The following ITGA8 variants were observed in gnomAD, a reference collection of about 807,000 sequenced individuals.
ITGA8 encodes integrin subunit alpha 8.
In ITGA8, 91 loss-of-function variants were observed where a neutral mutation model predicts 142.3. The ratio of observed to expected loss-of-function variants is 0.64; its 90% CI spans 0.54 to 0.76. ITGA8 has a LOEUF of 0.76. Ranked by LOEUF, ITGA8 falls within the 30% of genes least tolerant of loss-of-function variation. The pLI, the probability that ITGA8 is intolerant of heterozygous loss-of-function variation, is 0.00. For synonymous variants in ITGA8, 505 were observed against 485.2 expected (o/e 1.04, Z -0.54); for missense variants, 1,406 against 1,327.7 (o/e 1.06, Z -0.92).
At chr10:15,631,780 T>C (rs1833689999) in intron 13 of ITGA8, among the ~76,000 whole-genome samples, 1 of 151,202 alleles carries the variant, frequency 6.6e-6, no homozygotes, top group Non-Finnish European at 1.5e-5. Flanking sequence ...ACATTGGACT[T>C]CTAGCCCCAC....
intron 27 of ITGA8, among the ~76,000 whole-genome samples, chr10:15,535,573 C>T (rs1833413961): frequency 1.3e-5 from 2 of 152,086 alleles, no homozygotes; most frequent in African/African-American, 4.8e-5. Context: ...CTGGTGGGGA[C>T]TTGGAGAACC....
At chr10:15,681,163 G>A (rs114452830) in intron 4 of ITGA8, among the ~76,000 whole-genome samples, 27 of 152,232 alleles carry the variant, frequency 1.8e-4, no homozygotes, top group African/African-American at 5.5e-4. Context: ...GCGGGTTTGC[G>A]GTATAAGATT....
At chr10:15,544,300 C>A (rs915067331) in intron 27 of ITGA8, among the ~76,000 whole-genome samples, 1 of 146,100 alleles carries the variant, frequency 6.8e-6, no homozygotes, top group Non-Finnish European at 1.5e-5. Flanking sequence ...CCTGTCTCTA[C>A]CAAAAAAAAA....
chr10:15,652,111 T>C (rs1474001124), intron 11 of ITGA8, among the ~76,000 whole-genome samples: 1 of 152,252 alleles, frequency 6.6e-6, no homozygotes, highest in Non-Finnish European at 1.5e-5. Context: ...ATAACAGTTC[T>C]GTGTTTGTTA....
intron 28 of ITGA8, among the ~76,000 whole-genome samples, chr10:15,523,713 C>G (rs1833110360): frequency 6.7e-6 from 1 of 149,222 alleles, no homozygotes; most frequent in African/African-American, 2.5e-5. Context: ...AGTTCGAGAC[C>G]AGCCTGGCCA....
chr10:15,668,111 C>T (rs1365668960), intron 8 of ITGA8, among the ~76,000 whole-genome samples: 1 of 152,130 alleles, frequency 6.6e-6, no homozygotes, highest in Non-Finnish European at 1.5e-5. Context: ...CTAATGTTGA[C>T]AGGGGGGTGT....
intron 25 of ITGA8, among the ~76,000 whole-genome samples, chr10:15,560,220 A>C (rs548010087): frequency 6.6e-6 from 1 of 152,310 alleles, no homozygotes; most frequent in East Asian, 1.9e-4. Context: ...TCAAGACTGC[A>C]GTGAGCTACG....
chr10:15,618,743 G>A (rs991408632), intron 13 of ITGA8, among the ~76,000 whole-genome samples: 2 of 152,140 alleles, frequency 1.3e-5, no homozygotes, highest in African/African-American at 4.8e-5. Context: ...TCCTGCCCTC[G>A]AACATCAGAC....
intron 6 of ITGA8, among the ~76,000 whole-genome samples, chr10:15,676,735 G>T (rs1834637736): frequency 6.6e-6 from 1 of 152,184 alleles, no homozygotes; most frequent in African/African-American, 2.4e-5. Flanking sequence ...TACAGGCTGG[G>T]CAGTGGCTTA....
At chr10:15,673,788 G>A (rs919776901) in intron 6 of ITGA8, among the ~76,000 whole-genome samples, 3 of 149,642 alleles carry the variant, frequency 2.0e-5, no homozygotes, top group African/African-American at 7.7e-5. Context: ...GAAATCCATG[G>A]GCACCAACAT....
chr10:15,524,048 A>C (rs1412680236), intron 28 of ITGA8, among the ~76,000 whole-genome samples: 1 of 152,226 alleles, frequency 6.6e-6, no homozygotes, highest in African/African-American at 2.4e-5. Flanking sequence ...GCGGGAAAGA[A>C]TACACAGAGT....
chr10:15,605,215 ACTGTG>A (rs1833172835), intron 19 of ITGA8, among the ~76,000 whole-genome samples: 1 of 152,194 alleles, frequency 6.6e-6, no homozygotes, highest in African/African-American at 2.4e-5. Context: ...ATTACTGGCA[ACTGTG>A]AAGCCCTTTG....
chr10:15,605,360 A>C (rs1833175471), intron 19 of ITGA8, among the ~76,000 whole-genome samples: 1 of 152,190 alleles, frequency 6.6e-6, no homozygotes, highest in Non-Finnish European at 1.5e-5. Flanking sequence ...GGGTGCTGAA[A>C]AAAAGTTTGG....
At chr10:15,554,847 G>A (rs917679542) in intron 26 of ITGA8, among the ~76,000 whole-genome samples, 1 of 152,038 alleles carries the variant, frequency 6.6e-6, no homozygotes, top group Non-Finnish European at 1.5e-5. Context: ...CAAGCATGGG[G>A]AAAGGGTGAA....
At chr10:15,677,565 C>T in intron 6 of ITGA8, 27 bp downstream of exon 6, 4 of 1,604,006 alleles carry the variant, frequency 2.5e-6, no homozygotes, top group Non-Finnish European at 3.4e-6. Flanking sequence ...AACAAATGTG[C>T]TTTTCTTGTC....
At chr10:15,577,520 T>C (rs1345586687) in intron 23 of ITGA8, among the ~76,000 whole-genome samples, 4 of 152,036 alleles carry the variant, frequency 2.6e-5, no homozygotes, top group African/African-American at 9.7e-5. Context: ...TAACAAAAAA[T>C]CAAATAGAAG....
At chr10:15,585,798 C>A (rs1426033511) in intron 23 of ITGA8, among the ~76,000 whole-genome samples, 1 of 152,078 alleles carries the variant, frequency 6.6e-6, no homozygotes, top group Admixed American at 6.6e-5. Context: ...CTTATTGGCA[C>A]CTTCCTTAAA....
chr10:15,533,839 A>G (rs931702118), intron 27 of ITGA8, among the ~76,000 whole-genome samples: 2 of 152,052 alleles, frequency 1.3e-5, no homozygotes, highest in Admixed American at 1.3e-4. Flanking sequence ...ACTTTCTTTC[A>G]CTTCCTTCCT....
At chr10:15,615,624 A>G (rs1833376916) in intron 14 of ITGA8, among the ~76,000 whole-genome samples, 1 of 152,036 alleles carries the variant, frequency 6.6e-6, no homozygotes, top group African/African-American at 2.4e-5. Context: ...AGTGATTCTC[A>G]TGCCTCAGCC....
Sources: allele counts gnomAD v4.1 joint callset (sites outside exome capture counted in the v4.1 genomes callset), GRCh38; gene constraint gnomAD v4.1.1; transcripts MANE v1.5; gene names NCBI Gene and HGNC (gene_info 2026-07-23, HGNC 2026-07-21).